The following GPC5 variants were observed in gnomAD, a reference collection of about 807,000 sequenced individuals.
GPC5 encodes glypican-5.
Under a neutral mutation model 53.9 loss-of-function variants are expected in GPC5, and 47 were observed. The observed-to-expected ratio is 0.87, with a 90% CI of 0.69 to 1.11. GPC5 has a LOEUF of 1.11. Among genes scored for constraint, GPC5 ranks in the 50% most tolerant of loss-of-function variants. GPC5 has a pLI of 0.00. For synonymous variants in GPC5, 286 were observed against 263.3 expected, an observed-to-expected ratio of 1.09 and a Z score of -0.84; for missense variants, 748 against 713.1, an observed-to-expected ratio of 1.05 and a Z score of -0.56.
At chr13:91,776,254 C>T (rs2037709630) in intron 5 of GPC5, among the ~76,000 whole-genome samples, 1 of 152,068 alleles carries the variant, frequency 6.6e-6, no homozygotes. Flanking sequence ...TTCTGAGGGA[C>T]ATTCTAGGGA....
chr13:92,619,006 A>G (rs527694132), intron 7 of GPC5, among the ~76,000 whole-genome samples: 55 of 152,140 alleles, frequency 3.6e-4, no homozygotes, highest in African/African-American at 1.2e-3. Flanking sequence ...CTAAATCACA[A>G]CTGTCACTTT....
At chr13:92,559,328 ATATGTGTG>A (rs1192316127) in intron 7 of GPC5, among the ~76,000 whole-genome samples, 19 of 103,194 alleles carry the variant, frequency 1.8e-4, no homozygotes, top group African/African-American at 7.6e-4. Flanking sequence ...TGTAGTGTGT[ATATGTGTG>A]TGTGTGTGTG....
chr13:91,624,182 CA>C (rs1360738210), intron 2 of GPC5, among the ~76,000 whole-genome samples: 12 of 152,042 alleles, frequency 7.9e-5, no homozygotes, highest in African/African-American at 2.9e-4. Context: ...TAAATGTGAA[CA>C]GGCTGAATTC....
chr13:92,805,477 C>A (rs1402170242), intron 7 of GPC5, among the ~76,000 whole-genome samples: 3 of 151,960 alleles, frequency 2.0e-5, no homozygotes, highest in Non-Finnish European at 4.4e-5. Context: ...CATTCTGTCA[C>A]CCTAGCTGGA....
chr13:92,679,790 T>C (rs1887058912), intron 7 of GPC5, among the ~76,000 whole-genome samples: 2 of 152,174 alleles, frequency 1.3e-5, no homozygotes, highest in Admixed American at 6.5e-5. Context: ...TTACATGAAT[T>C]GCTCTGTGAA....
intron 3 of GPC5, among the ~76,000 whole-genome samples, chr13:91,719,998 CTA>C: frequency 1.3e-5 from 2 of 152,298 alleles, no homozygotes; most frequent in Admixed American, 1.3e-4. Flanking sequence ...CACTTCCACA[CTA>C]TGGAAAATGT....
intron 2 of GPC5, among the ~76,000 whole-genome samples, chr13:91,478,611 T>G (rs1883078384): frequency 6.6e-6 from 1 of 151,102 alleles, no homozygotes; most frequent in African/African-American, 2.4e-5. Context: ...TACAGATATA[T>G]TTTTATTAAA....
intron 7 of GPC5, among the ~76,000 whole-genome samples, chr13:92,258,106 C>T (rs1372105791): frequency 1.3e-5 from 2 of 151,902 alleles, no homozygotes; most frequent in Non-Finnish European, 2.9e-5. Context: ...AGGAAAAAAA[C>T]AATAGCAGAA....
intron 7 of GPC5, among the ~76,000 whole-genome samples, chr13:92,406,049 G>A (rs147631139): frequency 2.1e-3 from 315 of 152,090 alleles, no homozygotes; most frequent in African/African-American, 7.1e-3. Context: ...AAATATTTGC[G>A]TATCTAAGGT....
intron 5 of GPC5, among the ~76,000 whole-genome samples, chr13:91,831,580 A>G (rs1309946352): frequency 1.3e-5 from 2 of 152,038 alleles, no homozygotes; most frequent in Admixed American, 6.6e-5. Context: ...ATTGAAATAC[A>G]TAGGTAAAAA....
At chr13:92,493,068 T>G (rs980154891) in intron 7 of GPC5, among the ~76,000 whole-genome samples, 1 of 152,224 alleles carries the variant, frequency 6.6e-6, no homozygotes, top group Non-Finnish European at 1.5e-5. Flanking sequence ...GGGCCCTGAG[T>G]GTGCAGCTGT....
intron 7 of GPC5, among the ~76,000 whole-genome samples, chr13:92,409,141 A>C (rs1334538115): frequency 6.6e-6 from 1 of 152,006 alleles, no homozygotes; most frequent in Non-Finnish European, 1.5e-5. Flanking sequence ...AAATTAAACA[A>C]ATATATTTAA....
At chr13:92,572,412 A>G (rs1358739360) in intron 7 of GPC5, among the ~76,000 whole-genome samples, 1 of 152,158 alleles carries the variant, frequency 6.6e-6, no homozygotes, top group Non-Finnish European at 1.5e-5. Flanking sequence ...CCAAAAGCTG[A>G]ATACCATCAT....
At chr13:91,471,056 G>A (rs932947051) in intron 2 of GPC5, among the ~76,000 whole-genome samples, 2 of 152,084 alleles carry the variant, frequency 1.3e-5, no homozygotes, top group Non-Finnish European at 2.9e-5. Flanking sequence ...AAGAACCGAT[G>A]GAGTATTGTG....
intron 6 of GPC5, among the ~76,000 whole-genome samples, chr13:91,916,580 A>G (rs1382156602): frequency 2.6e-5 from 4 of 152,230 alleles, no homozygotes; most frequent in African/African-American, 7.2e-5. Context: ...GATATACTAC[A>G]ATATTGATAA....
intron 7 of GPC5, among the ~76,000 whole-genome samples, chr13:92,348,035 A>G (rs1289760288): frequency 8.8e-6 from 1 of 113,354 alleles, no homozygotes. Flanking sequence ...AAAAATCAAT[A>G]CATAAAGGAA....
intron 2 of GPC5, among the ~76,000 whole-genome samples, chr13:91,655,321 A>T (rs946422764): frequency 1.3e-5 from 2 of 152,104 alleles, no homozygotes; most frequent in Non-Finnish European, 2.9e-5. Context: ...ATATGTATGT[A>T]TACTAAAATT....
chr13:91,736,061 TTAAATAAAATCAGTATATATTTTCAAGG>T, intron 4 of GPC5, among the ~76,000 whole-genome samples: 1 of 151,386 alleles, frequency 6.6e-6, no homozygotes, highest in Admixed American at 6.6e-5. Context: ...AAAAACATTA[TTAAATAAAATCAGTATATATTTTCAAGG>T]ATGGGATATA....
intron 7 of GPC5, among the ~76,000 whole-genome samples, chr13:92,318,994 A>G: frequency 6.6e-6 from 1 of 152,184 alleles, no homozygotes; most frequent in African/African-American, 2.4e-5. Context: ...AAAGAAAGAA[A>G]GACACAGGGG....
Sources: allele counts gnomAD v4.1 joint callset (sites outside exome capture counted in the v4.1 genomes callset), GRCh38; gene constraint gnomAD v4.1.1; transcripts MANE v1.5; gene names NCBI Gene and HGNC (gene_info 2026-07-23, HGNC 2026-07-21).